Variants in GET3 observed in about 807,000 individuals in gnomAD.
The protein encoded by GET3 is guided entry of tail-anchored proteins factor 3, ATPase.
In GET3, 15 loss-of-function variants were observed where a neutral mutation model predicts 32.4. The observed-to-expected ratio is 0.46, with a 90% CI of 0.31 to 0.71. The LOEUF is 0.71. Ranked by LOEUF, GET3 falls within the 30% of genes least tolerant of loss-of-function variation. The pLI is 0.05. For synonymous variants in GET3, 198 were observed against 185.6 expected (o/e 1.07, Z -0.54); for missense variants, 333 against 459.0 (o/e 0.73, Z 2.51).
Position 12,747,487 on chromosome 19 carries a change from T to G in GET3, c.810T>G (p.Ile270Met). The G allele has an allele frequency of 6.2e-7, 1 of 1,613,992 alleles. No individual in the cohort carries two copies. Among genetic ancestry groups the G allele is most frequent in the East Asian group, 2.2e-5 (1 of 44,874 alleles). ...RLIQELAKCK[I>M]DTHNIIVNQL... ...TCCAGGAGCTGGCCAAGTGCAAGAT[T>G]GACACACACAATATAATTGTCAACC... Residue 270 changes from isoleucine to methionine, a missense_variant, in exon 6 of 7, where the codon ATT becomes ATG. Physicochemically the swap from Ile to Met is conservative, Grantham distance 10. This residue lies in a region of GET3 where 230 missense variants were observed against 389.2 expected (regional missense o/e 0.59). Coordinates refer to ENST00000357332, the MANE Select transcript of GET3 (RefSeq NM_004317.4). This position sits in a 1 kb window ranked among gnomAD's most constrained non-coding sequence, Gnocchi z 4.0.
chr19:12,738,440 A>T, intron 1 of GET3, 71 bp from the exon 2 acceptor site: 1 of 1,581,954 alleles, frequency 6.3e-7, no homozygotes, highest in Non-Finnish European at 8.6e-7. Flanking sequence ...GGAACCTACC[A>T]CTCCCCTTGC....
chr19:12,741,845 G>A (rs1967674861), intron 2 of GET3, among the ~76,000 whole-genome samples: 2 of 152,124 alleles, frequency 1.3e-5, no homozygotes, highest in South Asian at 4.1e-4. Context: ...CTTGAACCTG[G>A]GAGGCGGAGG....
In GET3 at chr19:12,737,557, G is replaced by A. The variant is rs1309736598; in HGVS notation, c.52G>A (p.Ala18Thr). Residue 18 changes from alanine to threonine, a missense_variant, in exon 1 of 7, where the codon GCT becomes ACT. This residue lies in a region of GET3 where 64 missense variants were observed against 36.7 expected (regional missense o/e 1.74). Coordinates refer to ENST00000357332, the MANE Select transcript of GET3 (RefSeq NM_004317.4). ...WGVEAEEFED[A>T]PDVEPLEPTL... ...GGTTGAGGCAGAGGAGTTCGAAGAT[G>A]CTCCTGATGTGGAGCCGCTGGAGCC... 1.2e-6 allele frequency: 2 copies of A among 1,605,816 alleles called. No individual in the cohort carries two copies. The highest frequency in any genetic ancestry group is 1.1e-5 in the South Asian group (1 of 89,752).
Position 12,745,985 on chromosome 19 carries a change from G to C in GET3, c.609+226G>C, listed in dbSNP as rs1347646270. On this transcript the variant is annotated intron_variant, in intron 4 of 6. Coordinates refer to ENST00000357332, the MANE Select transcript of GET3 (RefSeq NM_004317.4). The surrounding 1 kb of genome is among the most constrained non-coding windows in gnomAD (Gnocchi z 5.0). ...TAAATACCCTAGACAGAGCCAGAAA[G>C]CACATTCCAGAACCAGGCAACCTGC... Among the ~76,000 whole-genome samples, 4 of 152,170 alleles carry C rather than the reference G, an allele frequency of 2.6e-5. No homozygotes were observed. The highest frequency in any genetic ancestry group is 9.7e-5 in the African/African-American group (4 of 41,450).
chr19:12,747,664 C>A lies in GET3; in HGVS notation c.915+72C>A. 1 of 1,522,022 alleles carries A rather than the reference C, an allele frequency of 6.6e-7. No homozygotes were observed. Among genetic ancestry groups the A allele is most frequent in the Non-Finnish European group, 8.9e-7 (1 of 1,124,794 alleles). The allele number at this position is 1,522,022 out of a possible 1,614,324, so 94.3% of individuals were successfully genotyped here. A position where few individuals can be genotyped will look rare whatever the true frequency, so the allele number is the denominator to read the frequency against. On this transcript the variant is annotated intron_variant, in intron 6 of 6. Coordinates refer to ENST00000357332, the MANE Select transcript of GET3 (RefSeq NM_004317.4). The surrounding 1 kb of genome is among the most constrained non-coding windows in gnomAD (Gnocchi z 4.0). The stretch of plus-strand genomic sequence containing the variant: ...CTTTATTCTCTGATCTTTTGCTCCA[C>A]CATCTGGCCCTCTGCCCTCTAGCCT...
rs765183793 is a variant in GET3 at position 12,745,369 on chromosome 19, G to A, written c.310-8G>A. ...CAGCAACCTCAGTCTCATCCCTTTG[G>A]CCCCCAGGAGATTGACCCCAGCCTG... On this transcript the variant is annotated splice_polypyrimidine_tract_variant and splice_region_variant and intron_variant, in intron 2 of 6. Coordinates refer to ENST00000357332, the MANE Select transcript of GET3 (RefSeq NM_004317.4). This position sits in a 1 kb window ranked among gnomAD's most constrained non-coding sequence, Gnocchi z 5.0. The A allele has an allele frequency of 2.5e-6, 4 of 1,607,832 alleles. No homozygotes were observed. Among genetic ancestry groups the A allele is most frequent in the Non-Finnish European group, 3.4e-6 (4 of 1,179,838 alleles).
chr19:12,742,277 G>T (rs189089159), intron 2 of GET3, among the ~76,000 whole-genome samples: 1 of 150,834 alleles, frequency 6.6e-6, no homozygotes, highest in Admixed American at 6.6e-5. Context: ...TGTCACCCAG[G>T]CTGGAGTGCA....
At chr19:12,737,703 G>A in intron 1 of GET3, 37 bp downstream of exon 1, 1 of 1,575,768 alleles carries the variant, frequency 6.3e-7, no homozygotes, top group Non-Finnish European at 8.6e-7. Flanking sequence ...AGGCGTGTAG[G>A]ATATACCACT....
intron 1 of GET3, among the ~76,000 whole-genome samples, chr19:12,737,894 A>C (rs1725408155): frequency 1.3e-5 from 2 of 152,076 alleles, no homozygotes; most frequent in Non-Finnish European, 2.9e-5. Flanking sequence ...ACCACAGTGA[A>C]CTCAGCGCCC....
rs376832117 is a variant in GET3 at position 12,744,561 on chromosome 19, C to G, written c.310-816C>G. 2.2e-4 allele frequency among the ~76,000 whole-genome samples: 34 copies of G among 152,326 alleles called. No individual in the cohort carries two copies. In the South Asian group the frequency reaches 5.8e-3, roughly 26 times the overall value. On this transcript the variant is annotated intron_variant, in intron 2 of 6. Coordinates refer to ENST00000357332, the MANE Select transcript of GET3 (RefSeq NM_004317.4). ...CCTCAAGCTCCCGACCTCAGGTGAT[C>G]TGCCCGCCTCCGCTTCCCAAAGGGC...
chr19:12,737,563 G>C lies in GET3; in HGVS notation c.58G>C (p.Asp20His), dbSNP rs755225384. The C allele has an allele frequency of 6.2e-7, 1 of 1,609,838 alleles. No individual in the cohort carries two copies. Among genetic ancestry groups the C allele is most frequent in the Admixed American group, 1.7e-5 (1 of 59,270 alleles). ...GGCAGAGGAGTTCGAAGATGCTCCT[G>C]ATGTGGAGCCGCTGGAGCCTACACT... ...VEAEEFEDAP[D>H]VEPLEPTLSN... Residue 20 changes from aspartate to histidine, a missense_variant, in exon 1 of 7, where the codon GAT (aspartate) becomes CAT (histidine). Asp to His is a moderately conservative substitution (Grantham distance 81, BLOSUM62 -1). Around this residue, in one of 3 missense-constraint regions of GET3, gnomAD observed 64 missense variants for 36.7 expected, o/e 1.74. Transcript: ENST00000357332.
intron 2 of GET3, among the ~76,000 whole-genome samples, chr19:12,744,332 T>G (rs1381182769): frequency 6.6e-6 from 1 of 152,068 alleles, no homozygotes; most frequent in Non-Finnish European, 1.5e-5. Context: ...TTGTTGTTTG[T>G]TTTTTGAGAC....
At position 12,747,944 on chromosome 19, in the gene GET3, C is replaced by G. The variant is rs1263128146; in HGVS notation, c.916-29C>G. The G allele has an allele frequency of 6.4e-7, 1 of 1,562,832 alleles. No homozygotes were observed. Among genetic ancestry groups the G allele is most frequent in the East Asian group, 2.3e-5 (1 of 44,184 alleles). On this transcript the variant is annotated intron_variant, in intron 6 of 6. Transcript: ENST00000357332. The surrounding 1 kb of genome is among the most constrained non-coding windows in gnomAD (Gnocchi z 4.0). ...TCTCTGCCTTCCTGCCCCCTGACCA[C>G]TGCCTTCTACCCTCTGCCCTGGCTG... is the stretch of plus-strand genomic sequence containing the variant.
chr19:12,743,062 A>C (rs1189592393), intron 2 of GET3, among the ~76,000 whole-genome samples: 1 of 152,176 alleles, frequency 6.6e-6, no homozygotes, highest in African/African-American at 2.4e-5. Context: ...GCATAAGAAG[A>C]GGGTGCAGTG....
At chr19:12,742,901 G>T (rs999363646) in intron 2 of GET3, among the ~76,000 whole-genome samples, 11 of 152,300 alleles carry the variant, frequency 7.2e-5, no homozygotes, top group Non-Finnish European at 8.8e-5. Context: ...CAGAGTGGGG[G>T]ATTTTGCCAA....
chr19:12,746,767 C>T lies in GET3; in HGVS notation c.610-430C>T, dbSNP rs184341905. On this transcript the variant is annotated intron_variant, in intron 4 of 6. Coordinates refer to ENST00000357332, the MANE Select transcript of GET3 (RefSeq NM_004317.4). ...GCTCATGCCTGTAATCCTAGGACTT[C>T]GCAAGGCCGAGGCAGGTGGATTGCC... Among the ~76,000 whole-genome samples, 306 of 152,184 alleles carry T rather than the reference C, an allele frequency of 2.0e-3. 2 individuals are homozygous for T. Among genetic ancestry groups the T allele is most frequent in the African/African-American group, 6.3e-3 (263 of 41,520 alleles).
chr19:12,743,144 A>G (rs1456920592), intron 2 of GET3, among the ~76,000 whole-genome samples: 1 of 152,232 alleles, frequency 6.6e-6, no homozygotes, highest in Non-Finnish European at 1.5e-5. Context: ...CATGGGACCC[A>G]TGAAGTTACC....
intron 1 of GET3, 37 bp from the exon 2 acceptor site, chr19:12,738,474 C>G (rs372926699): frequency 6.2e-7 from 1 of 1,611,704 alleles, no homozygotes; most frequent in Admixed American, 1.7e-5. Flanking sequence ...AGAGCCCATC[C>G]CCTCATCCCC....
intron 1 of GET3, among the ~76,000 whole-genome samples, chr19:12,738,173 C>T (rs1477851751): frequency 2.0e-5 from 3 of 152,058 alleles, no homozygotes; most frequent in East Asian, 1.9e-4. Flanking sequence ...ATGCAGGAGA[C>T]CCCTTAGCTT....
Sources: gnomAD v4.1 joint callset for allele counts (sites outside exome capture counted in the v4.1 genomes callset) on GRCh38, gnomAD v4.1.1 for gene constraint, gnomAD v4.1.1 regional missense constraint, Gnocchi (gnomAD v3.1) non-coding constraint, MANE v1.5 for transcripts, NCBI Gene and HGNC (gene_info 2026-07-23, HGNC 2026-07-21) for gene names.